The following ENOSF1 variants were observed in gnomAD, a reference collection of about 807,000 sequenced individuals.
The protein encoded by ENOSF1 is mitochondrial enolase superfamily member 1.
In ENOSF1, 73 loss-of-function variants were observed where a neutral mutation model predicts 68.2. The ratio of observed to expected loss-of-function variants is 1.07; its 90% CI spans 0.89 to 1.30. ENOSF1 has a LOEUF of 1.30. Ranked by LOEUF, ENOSF1 falls within the 50% of genes most tolerant of loss-of-function variation. The probability of loss-of-function intolerance (pLI) is 0.00; values close to 1 mark genes in which losing one functional copy is unlikely to be tolerated. For synonymous variants in ENOSF1, 223 were observed against 210.4 expected, an observed-to-expected ratio of 1.06 and a Z score of -0.52; for missense variants, 589 against 554.5, an observed-to-expected ratio of 1.06 and a Z score of -0.62.
In ENOSF1 at chr18:670,774, C is replaced by T. The variant is rs777474966; in HGVS notation, c.*3531G>A. The T allele has an allele frequency of 2.7e-5, 43 of 1,614,024 alleles. No individual in the cohort carries two copies. The highest frequency in any genetic ancestry group is 3.4e-5 in the Non-Finnish European group (40 of 1,180,048). On this transcript the variant is annotated 3_prime_UTR_variant, in exon 16 of 16. Transcript: ENST00000647584. ...ACAGTGAGCTGTCCTGCCAGCTGTA[C>T]CAGAGATCGGGAGACATGGGCCTCG...
At chr18:705,348 A>G (rs1370793982) in intron 2 of ENOSF1, among the ~76,000 whole-genome samples, 2 of 152,160 alleles carry the variant, frequency 1.3e-5, no homozygotes, top group African/African-American at 4.8e-5. Context: ...TGAATTTTGT[A>G]CCATGTGTAA....
At chr18:663,333 C>T in the ENOSF1 span, among the ~76,000 whole-genome samples, 1 of 98,132 alleles carries the variant, frequency 1.0e-5, no homozygotes, top group South Asian at 3.3e-4. Flanking sequence ...AGTGTCTGTT[C>T]ATGTCCTTCG....
intron 5 of ENOSF1, chr18:692,800 G>A (rs981746489): frequency 2.9e-6 from 3 of 1,026,622 alleles, no homozygotes; most frequent in Non-Finnish European, 3.5e-6. Flanking sequence ...CAAGAGCTCT[G>A]TGTCCTTCCC....
At chr18:708,356 T>C (rs1466704336) in intron 1 of ENOSF1, among the ~76,000 whole-genome samples, 1 of 151,886 alleles carries the variant, frequency 6.6e-6, no homozygotes, top group Non-Finnish European at 1.5e-5. Context: ...CGTCTGCCCT[T>C]GAGGAGGTTA....
chr18:675,240 G>A (rs1321334354), intron 15 of ENOSF1, 81 bp downstream of exon 15: 32 of 1,051,900 alleles, frequency 3.0e-5, no homozygotes, highest in Non-Finnish European at 4.4e-5. Flanking sequence ...AAAGCTTGGT[G>A]CTCCACAGTC....
rs542562781 is a variant in ENOSF1, at chr18:688,027, T to C, written c.653+547A>G. ...ATTAAAAATACAAAAATTAGCCAGG[T>C]GTGGTGGCGGGTGTCTGTAATCCCA... On this transcript the variant is annotated intron_variant, in intron 9 of 15. Coordinates refer to ENST00000647584, the MANE Select transcript of ENOSF1 (RefSeq NM_017512.7). 9.9e-4 allele frequency: 152 copies of C among 152,922 alleles called. No individual in the cohort carries two copies. In the Middle Eastern group the frequency reaches 0.01, roughly 10 times the overall value. The allele number at this position is 152,922 out of a possible 1,614,324, so 9.5% of individuals were successfully genotyped here.
At chr18:667,822 G>A (rs1167201413), downstream of ENOSF1, 2 of 152,052 alleles carry the variant, frequency 1.3e-5, no homozygotes, top group African/African-American at 4.8e-5. Flanking sequence ...GCCAGTCCCC[G>A]GGCTTAATGA....
rs149294979 is a variant in ENOSF1, at chr18:677,762, C to G, written c.1029G>C (p.Leu343=). 3 of 1,613,612 alleles carry G rather than the reference C, an allele frequency of 1.9e-6. No homozygotes were observed. Among genetic ancestry groups the G allele is most frequent in the Non-Finnish European group, 2.5e-6 (3 of 1,179,884 alleles). ...GCTTACTTTCAAACTTTTTGGCCAT[C>G]AGCAATACTGAGAGGTTCTCATTGA... ...GSVNENLSVL[L]MAKKFEIPVC... Residue 343 remains leucine (L), a synonymous_variant, in exon 13 of 16, where the codon CTG becomes CTC. Transcript: ENST00000647584.
chr18:663,523 A>G, the ENOSF1 span, among the ~76,000 whole-genome samples: 6 of 91,252 alleles, frequency 6.6e-5, 2 homozygotes, highest in Admixed American at 2.8e-4. Flanking sequence ...TAGTTTAATT[A>G]GATCCCATTT....
At chr18:696,210 T>TTC (rs1745998844) in intron 3 of ENOSF1, among the ~76,000 whole-genome samples, 1 of 143,212 alleles carries the variant, frequency 7.0e-6, no homozygotes. Context: ...CTCTCTTTTT[T>TTC]TTTTTTTTTT....
chr18:670,413 T>G lies in ENOSF1; in HGVS notation c.*3892A>C, dbSNP rs2144355353. 5.7e-6 allele frequency: 2 copies of G among 353,696 alleles called. No individual in the cohort carries two copies. Among genetic ancestry groups the G allele is most frequent in the African/African-American group, 2.1e-5 (1 of 47,970 alleles). 21.9% of individuals were successfully genotyped at this position (353,696 alleles called of 1,614,324 possible). On this transcript the variant is annotated 3_prime_UTR_variant, in exon 16 of 16. Coordinates refer to ENST00000647584, the MANE Select transcript of ENOSF1 (RefSeq NM_017512.7). ...AGAATTATTCCTGCTGTATTTGTAA[T>G]CTGGTGCCACGAGGTAGCCCAGATC...
rs746910083 is a variant in ENOSF1, at chr18:674,351, G to C, written c.1286C>G (p.Pro429Arg). 1.9e-6 allele frequency: 3 copies of C among 1,612,458 alleles called. No individual in the cohort carries two copies. The highest frequency in any genetic ancestry group is 1.7e-6 in the Non-Finnish European group (2 of 1,179,362). ...GAGTTTCTTCCAAACTTCACCATCTGGATACTGGTGTTTCTTTACAGATTC... is the reference window on the plus strand; with the variant it reads ...GAGTTTCTTCCAAACTTCACCATCTCGATACTGGTGTTTCTTTACAGATTC... ...KEESVKKHQY[P>R]DGEVWKKLLP... Residue 429 changes from proline to arginine, a missense_variant, in exon 16 of 16, where the codon CCA (proline) becomes CGA (arginine). By Grantham distance (103) the Pro-to-Arg change is moderately radical. Coordinates refer to ENST00000647584, the MANE Select transcript of ENOSF1 (RefSeq NM_017512.7).
At position 673,065 on chromosome 18, in the gene ENOSF1, G is replaced by A. The variant is rs1227004445; in HGVS notation, c.*1240C>T. 29 of 1,430,308 alleles carry A rather than the reference G, an allele frequency of 2.0e-5. No homozygotes were observed. The highest frequency in any genetic ancestry group is 2.6e-5 in the Non-Finnish European group (28 of 1,074,588). 88.6% of individuals were successfully genotyped at this position (1,430,308 alleles called of 1,614,324 possible). A position where few individuals can be genotyped will look rare whatever the true frequency, so the allele number is the denominator to read the frequency against. On this transcript the variant is annotated 3_prime_UTR_variant, in exon 16 of 16. Transcript: ENST00000647584. ...GGTTGGGCTGGATGCCGAGGTAAAA[G>A]TTCTTTTTGCTCTAAAAGAAAAAGG...
chr18:678,380 A>G (rs1238111357), intron 12 of ENOSF1: 1 of 442,102 alleles, frequency 2.3e-6, no homozygotes, highest in African/African-American at 2.0e-5. Context: ...ATGTTTATTC[A>G]ATTTGAAAGC....
At position 675,305 on chromosome 18, in the gene ENOSF1, T is replaced by C. The variant is rs1038788204; in HGVS notation, c.1230+16A>G. On this transcript the variant is annotated intron_variant, in intron 15 of 15. Coordinates refer to ENST00000647584, the MANE Select transcript of ENOSF1 (RefSeq NM_017512.7). Reference sequence around the variant, plus strand: ...GGCAGCATCTCTTCTACAGGGGCCCTCAGGCCACAGCTTACCTTGGGAGGC... The same window carrying C: ...GGCAGCATCTCTTCTACAGGGGCCCCCAGGCCACAGCTTACCTTGGGAGGC... The C allele has an allele frequency of 6.2e-7, 1 of 1,602,544 alleles. No individual in the cohort carries two copies. The highest frequency in any genetic ancestry group is 8.5e-7 in the Non-Finnish European group (1 of 1,174,446).
In ENOSF1 at chr18:700,951, G is replaced by T. The variant is rs541645450; in HGVS notation, c.194-3596C>A. Among the ~76,000 whole-genome samples, 134 of 149,012 alleles carry T rather than the reference G, an allele frequency of 9.0e-4. 1 individual carries two copies. The highest frequency in any genetic ancestry group is 3.2e-3 in the African/African-American group (128 of 40,388). On this transcript the variant is annotated intron_variant, in intron 2 of 15. Transcript: ENST00000647584. ...TTGGCTGTGGCAGGAAATTGACTTG[G>T]AAAAGAAAAAAAAGGCCCTTGAAAG...
chr18:703,611 G>T (rs1265490141), intron 2 of ENOSF1, among the ~76,000 whole-genome samples: 1 of 152,202 alleles, frequency 6.6e-6, no homozygotes, highest in Non-Finnish European at 1.5e-5. Context: ...AGAAAAGCGG[G>T]ACTGACTCAC....
intron 14 of ENOSF1, among the ~76,000 whole-genome samples, chr18:676,036 C>A (rs2075478377): frequency 6.6e-6 from 1 of 152,198 alleles, no homozygotes; most frequent in South Asian, 2.1e-4. Flanking sequence ...CAATAAAATA[C>A]ATTCCATACT....
chr18:690,265 T>C (rs1168403879), intron 8 of ENOSF1, among the ~76,000 whole-genome samples: 1 of 150,814 alleles, frequency 6.6e-6, no homozygotes, highest in Non-Finnish European at 1.5e-5. Context: ...GGTGACAACG[T>C]GGACTTGTGA....
Sources: gnomAD v4.1 joint callset for allele counts (sites outside exome capture counted in the v4.1 genomes callset) on GRCh38, gnomAD v4.1.1 for gene constraint, MANE v1.5 for transcripts, NCBI Gene and HGNC (gene_info 2026-07-23, HGNC 2026-07-21) for gene names.